SGCZ: variants seen among roughly 807,000 people sequenced by gnomAD.
SGCZ encodes sarcoglycan zeta.
A neutral mutation model predicts 41.3 loss-of-function variants in SGCZ; 40 were observed. The ratio of observed to expected loss-of-function variants is 0.97; its 90% CI spans 0.75 to 1.26. The LOEUF is 1.26. Among genes scored for constraint, SGCZ ranks in the 50% most tolerant of loss-of-function variants. The pLI is 0.00. For missense variants in SGCZ, 552 were observed against 369.8 expected (o/e 1.49, Z -4.04); for synonymous variants, 206 against 137.5 (o/e 1.50, Z -3.49).
intron 2 of SGCZ, among the ~76,000 whole-genome samples, chr8:14,468,593 G>A (rs1177672475): frequency 2.6e-5 from 4 of 151,970 alleles, no homozygotes; most frequent in South Asian, 4.1e-4. Flanking sequence ...TTGACTTAAC[G>A]TATTTAAATT....
At chr8:14,264,976 C>G (rs1463305507) in intron 3 of SGCZ, among the ~76,000 whole-genome samples, 2 of 151,978 alleles carry the variant, frequency 1.3e-5, no homozygotes, top group Non-Finnish European at 2.9e-5. Context: ...AACAAACAAA[C>G]AAACAAAAAC....
chr8:14,918,465 T>G (rs1799502206), intron 1 of SGCZ, among the ~76,000 whole-genome samples: 1 of 152,186 alleles, frequency 6.6e-6, no homozygotes, highest in African/African-American at 2.4e-5. Flanking sequence ...TTTACACAGC[T>G]GTTATATAAA....
chr8:14,095,958 C>T (rs1386706657), intron 7 of SGCZ, among the ~76,000 whole-genome samples: 1 of 152,020 alleles, frequency 6.6e-6, no homozygotes, highest in African/African-American at 2.4e-5. Flanking sequence ...GATTTTGTAA[C>T]CTGAGACTTT....
intron 4 of SGCZ, among the ~76,000 whole-genome samples, chr8:14,210,981 A>G (rs938599197): frequency 6.6e-6 from 1 of 152,196 alleles, no homozygotes; most frequent in African/African-American, 2.4e-5. Context: ...AAATGAGAGA[A>G]ACCCACTTCA....
At chr8:14,626,135 C>G (rs1318415246) in intron 1 of SGCZ, among the ~76,000 whole-genome samples, 1 of 152,020 alleles carries the variant, frequency 6.6e-6, no homozygotes, top group Non-Finnish European at 1.5e-5. Flanking sequence ...ATCTCTCAGT[C>G]TTTTTGTTTT....
chr8:15,129,830 G>T (rs1045777200), intron 1 of SGCZ, among the ~76,000 whole-genome samples: 5 of 151,702 alleles, frequency 3.3e-5, no homozygotes, highest in African/African-American at 7.3e-5. Context: ...TAGCTAGGAA[G>T]CAGTGAGCAC....
intron 1 of SGCZ, among the ~76,000 whole-genome samples, chr8:14,917,410 C>A (rs1229190129): frequency 6.6e-6 from 1 of 151,994 alleles, no homozygotes; most frequent in African/African-American, 2.4e-5. Flanking sequence ...ATCCTGAATG[C>A]CAAATTCATT....
intron 5 of SGCZ, among the ~76,000 whole-genome samples, chr8:14,149,269 TATACTA>T (rs1018727174): frequency 5.5e-4 from 84 of 152,220 alleles, no homozygotes; most frequent in African/African-American, 1.9e-3. Flanking sequence ...TATATGATCT[TATACTA>T]AGAAAAACCT....
At chr8:14,703,211 T>C (rs1460205402) in intron 1 of SGCZ, among the ~76,000 whole-genome samples, 1 of 152,006 alleles carries the variant, frequency 6.6e-6, no homozygotes, top group Non-Finnish European at 1.5e-5. Flanking sequence ...CTTTCATACA[T>C]GCAGTGATCT....
At chr8:15,228,768 A>T (rs1312110817) in intron 1 of SGCZ, among the ~76,000 whole-genome samples, 1 of 152,222 alleles carries the variant, frequency 6.6e-6, no homozygotes, top group Non-Finnish European at 1.5e-5. Flanking sequence ...TTAGGTATAT[A>T]GTGGGTTTCA....
intron 2 of SGCZ, among the ~76,000 whole-genome samples, chr8:14,341,654 C>CT (rs1802711196): frequency 6.6e-6 from 1 of 152,034 alleles, no homozygotes; most frequent in Non-Finnish European, 1.5e-5. Context: ...CCCAGAATTC[C>CT]CATGTGTTAT....
intron 1 of SGCZ, among the ~76,000 whole-genome samples, chr8:14,933,190 TTCACCCATGTAACAAA>T (rs1288649371): frequency 1.3e-5 from 2 of 151,836 alleles, no homozygotes; most frequent in African/African-American, 4.9e-5. Context: ...AAACACACAA[TTCACCCATGTAACAAA>T]TCTGCATATG....
intron 1 of SGCZ, among the ~76,000 whole-genome samples, chr8:15,039,802 A>G (rs922462856): frequency 2.0e-5 from 3 of 152,170 alleles, no homozygotes; most frequent in Admixed American, 1.3e-4. Context: ...AATATTAATT[A>G]TATGCTTACT....
intron 1 of SGCZ, among the ~76,000 whole-genome samples, chr8:14,901,346 A>G (rs1362649336): frequency 6.6e-6 from 1 of 152,202 alleles, no homozygotes; most frequent in African/African-American, 2.4e-5. Flanking sequence ...AGTAGCTCCC[A>G]AACACATCTA....
intron 1 of SGCZ, among the ~76,000 whole-genome samples, chr8:15,049,007 C>T (rs1412717195): frequency 1.3e-5 from 2 of 152,086 alleles, no homozygotes; most frequent in Admixed American, 6.6e-5. Context: ...AAGTTTTCCT[C>T]AAAAGATGCT....
chr8:14,222,305 G>T (rs903108245), intron 4 of SGCZ, among the ~76,000 whole-genome samples: 3 of 151,910 alleles, frequency 2.0e-5, no homozygotes, highest in Non-Finnish European at 4.4e-5. Flanking sequence ...GAGTAGCTGG[G>T]ACTACAGGCA....
At chr8:14,381,559 G>A (rs1188868737) in intron 2 of SGCZ, among the ~76,000 whole-genome samples, 1 of 151,906 alleles carries the variant, frequency 6.6e-6, no homozygotes, top group Non-Finnish European at 1.5e-5. Flanking sequence ...CAGATCGCTT[G>A]AGCCCAGGAG....
intron 2 of SGCZ, among the ~76,000 whole-genome samples, chr8:14,498,673 A>G (rs1802062015): frequency 6.6e-6 from 1 of 152,022 alleles, no homozygotes; most frequent in South Asian, 2.1e-4. Flanking sequence ...ACTAGTCATT[A>G]TACTGTTTAA....
chr8:14,476,246 A>G (rs1311070523), intron 2 of SGCZ, among the ~76,000 whole-genome samples: 2 of 152,122 alleles, frequency 1.3e-5, no homozygotes, highest in African/African-American at 4.8e-5. Context: ...CCCTCTCACC[A>G]ATGTTGGTGG....
Sources: gnomAD v4.1 joint callset for allele counts (sites outside exome capture counted in the v4.1 genomes callset) on GRCh38, gnomAD v4.1.1 for gene constraint, MANE v1.5 for transcripts, NCBI Gene and HGNC (gene_info 2026-07-23, HGNC 2026-07-21) for gene names.